The following FBXL17 variants were observed in gnomAD, a reference collection of about 807,000 sequenced individuals.
The protein encoded by FBXL17 is F-box/LRR-repeat protein 17.
Under a neutral mutation model 66.2 loss-of-function variants are expected in FBXL17, and 22 were observed. The ratio of observed to expected loss-of-function variants is 0.33; its 90% CI spans 0.24 to 0.47. The LOEUF is 0.47. Ranked by LOEUF, FBXL17 falls within the 20% of genes least tolerant of loss-of-function variation. The pLI is 1.00. For missense variants in FBXL17, 878 were observed against 948.2 expected (o/e 0.93, Z 0.97); for synonymous variants, 474 against 400.5 (o/e 1.18, Z -2.19).
intron 6 of FBXL17, among the ~76,000 whole-genome samples, chr5:108,106,338 C>G (rs1304651528): frequency 6.6e-6 from 1 of 152,170 alleles, no homozygotes; most frequent in Non-Finnish European, 1.5e-5. Flanking sequence ...TGCAACCACT[C>G]TGGAAGGAAG....
chr5:107,893,420 G>T (rs970765890), intron 7 of FBXL17, among the ~76,000 whole-genome samples: 7 of 152,178 alleles, frequency 4.6e-5, no homozygotes, highest in African/African-American at 1.7e-4. Context: ...GAGCTTCAGG[G>T]TTTATCACTT....
At chr5:107,901,827 G>C (rs781283675) in intron 7 of FBXL17, among the ~76,000 whole-genome samples, 1 of 152,174 alleles carries the variant, frequency 6.6e-6, no homozygotes, top group African/African-American at 2.4e-5. Context: ...AATGGGGAAA[G>C]GTAGGCACTG....
intron 7 of FBXL17, among the ~76,000 whole-genome samples, chr5:107,887,793 C>A (rs1749024249): frequency 6.6e-6 from 1 of 152,146 alleles, no homozygotes; most frequent in South Asian, 2.1e-4. Flanking sequence ...TGAGTCCCAC[C>A]CCTGGAGAAT....
At chr5:108,049,152 CT>C (rs531485199) in intron 6 of FBXL17, among the ~76,000 whole-genome samples, 87 of 145,904 alleles carry the variant, frequency 6.0e-4, no homozygotes, top group Admixed American at 5.5e-4. Flanking sequence ...ATTCAACATT[CT>C]TTTTTTTTTT....
chr5:108,259,701 C>G (rs1336292567), intron 4 of FBXL17, among the ~76,000 whole-genome samples: 4 of 151,640 alleles, frequency 2.6e-5, no homozygotes, highest in Admixed American at 2.6e-4. Flanking sequence ...ACACATAAAG[C>G]AAAACGAAAA....
chr5:108,055,481 C>T (rs1319912902), intron 6 of FBXL17, among the ~76,000 whole-genome samples: 4 of 149,990 alleles, frequency 2.7e-5, no homozygotes, highest in South Asian at 2.1e-4. Context: ...TGGTGGTGGG[C>T]GCCTGTAGTC....
intron 7 of FBXL17, among the ~76,000 whole-genome samples, chr5:107,962,539 T>C (rs1033064211): frequency 1.3e-5 from 2 of 152,110 alleles, no homozygotes; most frequent in Admixed American, 1.3e-4. Context: ...TCAAAAAACA[T>C]ACATGGATAT....
At chr5:108,248,984 T>C (rs1320752475) in intron 4 of FBXL17, among the ~76,000 whole-genome samples, 1 of 152,060 alleles carries the variant, frequency 6.6e-6, no homozygotes, top group Non-Finnish European at 1.5e-5. Context: ...TCTTGAAACA[T>C]CAGGAAGAAA....
Position 108,014,394 on chromosome 5 carries a change from T to C in FBXL17, c.1822+6531A>G, listed in dbSNP as rs934078178. Reference sequence around the variant, plus strand: ...GCACGCAAAAACAGGTTCATTTGTCTTTTAAATGAAGGCTAGAATGTTTCT... The same window carrying C: ...GCACGCAAAAACAGGTTCATTTGTCCTTTAAATGAAGGCTAGAATGTTTCT... On this transcript the variant is annotated intron_variant, in intron 7 of 8. Coordinates refer to ENST00000542267, the MANE Select transcript of FBXL17 (RefSeq NM_001163315.3). Among the ~76,000 whole-genome samples, 36 of 152,312 alleles carry C rather than the reference T, an allele frequency of 2.4e-4. 1 individual carries two copies. The highest frequency in any genetic ancestry group is 8.7e-4 in the African/African-American group (36 of 41,586).
At chr5:108,367,217 C>T (rs182708478) in intron 2 of FBXL17, among the ~76,000 whole-genome samples, 1 of 151,780 alleles carries the variant, frequency 6.6e-6, no homozygotes, top group Non-Finnish European at 1.5e-5. Context: ...TCTAACAAGT[C>T]AAAAAAACTG....
intron 7 of FBXL17, among the ~76,000 whole-genome samples, chr5:107,913,087 T>A (rs901104968): frequency 1.3e-5 from 2 of 149,722 alleles, no homozygotes; most frequent in Admixed American, 6.7e-5. Context: ...TTAACAATGA[T>A]TAGCTTTTTA....
chr5:107,971,792 T>C (rs542410894), intron 7 of FBXL17, among the ~76,000 whole-genome samples: 2 of 152,290 alleles, frequency 1.3e-5, no homozygotes, highest in Non-Finnish European at 2.9e-5. Flanking sequence ...TTTTAGAGCA[T>C]ACTGGGCTCA....
chr5:108,175,714 C>T (rs138505656), intron 6 of FBXL17, among the ~76,000 whole-genome samples: 2 of 152,294 alleles, frequency 1.3e-5, no homozygotes, highest in East Asian at 3.9e-4. Flanking sequence ...AGCCCAGACA[C>T]TTGCATGTCA....
At chr5:108,272,589 A>T (rs1757320996) in intron 4 of FBXL17, among the ~76,000 whole-genome samples, 1 of 152,064 alleles carries the variant, frequency 6.6e-6, no homozygotes, top group African/African-American at 2.4e-5. Context: ...CCTGGCCTCA[A>T]GTGATCAATC....
chr5:108,332,941 CA>C (rs34218940), intron 4 of FBXL17, among the ~76,000 whole-genome samples: 38 of 34,764 alleles, frequency 1.1e-3, no homozygotes, highest in South Asian at 4.1e-3. Context: ...AAAGCAAAAG[CA>C]AAAAAAAAAA....
chr5:108,331,771 T>C (rs1051119635), intron 4 of FBXL17, among the ~76,000 whole-genome samples: 1 of 152,084 alleles, frequency 6.6e-6, no homozygotes, highest in African/African-American at 2.4e-5. Context: ...GAGTAACTCT[T>C]CTAACCCGTA....
intron 4 of FBXL17, among the ~76,000 whole-genome samples, chr5:108,260,435 T>C (rs1378743645): frequency 1.3e-5 from 2 of 152,178 alleles, no homozygotes; most frequent in African/African-American, 2.4e-5. Context: ...AAAAATCAAC[T>C]AATAAAAACA....
chr5:108,115,119 T>C (rs1229168104), intron 6 of FBXL17, among the ~76,000 whole-genome samples: 1 of 152,126 alleles, frequency 6.6e-6, no homozygotes, highest in African/African-American at 2.4e-5. Context: ...TTAGGAAATA[T>C]AGGAAGGTGT....
chr5:108,095,186 G>A (rs1244508383), intron 6 of FBXL17, among the ~76,000 whole-genome samples: 2 of 151,730 alleles, frequency 1.3e-5, no homozygotes, highest in African/African-American at 4.8e-5. Context: ...CATTTTCCAT[G>A]TGTCCATCAG....
Sources: gnomAD v4.1 joint callset for allele counts (sites outside exome capture counted in the v4.1 genomes callset) on GRCh38, gnomAD v4.1.1 for gene constraint, MANE v1.5 for transcripts, NCBI Gene and HGNC (gene_info 2026-07-23, HGNC 2026-07-21) for gene names.